Variants in VRK1 observed in about 807,000 individuals in gnomAD.
The protein encoded by VRK1 is serine/threonine-protein kinase VRK1.
VRK1 carries 33 observed loss-of-function variants against 57.1 expected under a neutral mutation model. The ratio of observed to expected loss-of-function variants is 0.58; its 90% CI spans 0.44 to 0.77. VRK1 has a LOEUF of 0.77. Ranked by LOEUF, VRK1 falls within the 30% of genes least tolerant of loss-of-function variation. The pLI, the probability that VRK1 is intolerant of heterozygous loss-of-function variation, is 0.00. For missense variants in VRK1, 413 were observed against 477.3 expected (o/e 0.87, Z 1.25); for synonymous variants, 137 against 147.8 (o/e 0.93, Z 0.53).
intron 5 of VRK1, among the ~76,000 whole-genome samples, chr14:96,849,204 A>G (rs1409604055): frequency 6.6e-6 from 1 of 152,200 alleles, no homozygotes; most frequent in African/African-American, 2.4e-5. Flanking sequence ...AATGGCTTAC[A>G]TGGTGAATTA....
intron 1 of VRK1, among the ~76,000 whole-genome samples, chr14:96,818,401 T>C (rs1888187123): frequency 6.7e-6 from 1 of 149,108 alleles, no homozygotes; most frequent in Non-Finnish European, 1.5e-5. Flanking sequence ...AATTTTTTCT[T>C]TTCTGAAGAT....
chr14:96,849,768 G>T (rs1035539773), intron 5 of VRK1, among the ~76,000 whole-genome samples: 3 of 152,166 alleles, frequency 2.0e-5, no homozygotes, highest in African/African-American at 7.2e-5. Flanking sequence ...GTGGTATGTT[G>T]CTTGAGAATG....
At chr14:96,869,542 G>A (rs906271335) in intron 11 of VRK1, among the ~76,000 whole-genome samples, 3 of 152,150 alleles carry the variant, frequency 2.0e-5, no homozygotes, top group Non-Finnish European at 4.4e-5. Context: ...TGAAAGACAA[G>A]ATGTTAATTA....
chr14:96,814,348 T>C (rs1429293777), intron 1 of VRK1, among the ~76,000 whole-genome samples: 2 of 152,206 alleles, frequency 1.3e-5, no homozygotes, highest in East Asian at 1.9e-4. Flanking sequence ...TCAATTGCAG[T>C]GTTTTAACTT....
intron 10 of VRK1, among the ~76,000 whole-genome samples, chr14:96,859,891 G>T (rs1888316316): frequency 6.6e-6 from 1 of 152,166 alleles, no homozygotes; most frequent in African/African-American, 2.4e-5. Flanking sequence ...TGAAATGATG[G>T]ATATACAAGT....
intron 1 of VRK1, among the ~76,000 whole-genome samples, chr14:96,816,449 C>G (rs1954256074): frequency 6.6e-6 from 1 of 152,162 alleles, no homozygotes; most frequent in Non-Finnish European, 1.5e-5. Context: ...TACTTCCTGA[C>G]AGCATCCAAT....
intron 5 of VRK1, among the ~76,000 whole-genome samples, chr14:96,847,586 G>A (rs1391457081): frequency 6.6e-6 from 1 of 151,638 alleles, no homozygotes; most frequent in African/African-American, 2.4e-5. Context: ...CTGCAGAGCA[G>A]TATCAACTGA....
chr14:96,873,275 C>T (rs77404601), intron 11 of VRK1, among the ~76,000 whole-genome samples: 7,126 of 152,140 alleles, frequency 0.047, 190 homozygotes, highest in Non-Finnish European at 0.062. Flanking sequence ...GGTCTCCAAT[C>T]GGTGTTTAGA....
chr14:96,865,056 T>A (rs1888531970), intron 11 of VRK1, among the ~76,000 whole-genome samples: 1 of 152,206 alleles, frequency 6.6e-6, no homozygotes, highest in Admixed American at 6.5e-5. Flanking sequence ...ATGGTATCTT[T>A]TAATGAATAG....
At chr14:96,838,783 G>T (rs1187420703) in intron 3 of VRK1, among the ~76,000 whole-genome samples, 1 of 152,120 alleles carries the variant, frequency 6.6e-6, no homozygotes, top group Admixed American at 6.6e-5. Context: ...TTACTCTGAA[G>T]GTTTTCATTT....
intron 4 of VRK1, among the ~76,000 whole-genome samples, chr14:96,846,714 GAA>G (rs781778346): frequency 7.7e-5 from 8 of 103,858 alleles, no homozygotes; most frequent in African/African-American, 2.0e-4. Context: ...AAATATTCCA[GAA>G]AAAAAAAAAA....
intron 3 of VRK1, among the ~76,000 whole-genome samples, chr14:96,840,645 C>T (rs186047755): frequency 6.5e-4 from 99 of 152,160 alleles, no homozygotes; most frequent in African/African-American, 2.3e-3. Context: ...AGATGAGTTT[C>T]TTCTTAGGCT....
rs763963940 is a variant in VRK1 at position 96,846,181 on chromosome 14, A to G, written c.286+17A>G. The G allele has an allele frequency of 1.9e-6, 3 of 1,611,398 alleles. No homozygotes were observed. The highest frequency in any genetic ancestry group is 3.3e-5 in the Admixed American group (2 of 59,966). On this transcript the variant is annotated intron_variant, in intron 4 of 12. Transcript: ENST00000216639. Reference sequence around the variant, plus strand: ...CAGAGCAAAGTAAGAAATACAGTACACATACGTTTACACTTTTAAAATGAC... The same window carrying G: ...CAGAGCAAAGTAAGAAATACAGTACGCATACGTTTACACTTTTAAAATGAC...
chr14:96,808,600 A>G (rs1040773822), intron 1 of VRK1, among the ~76,000 whole-genome samples: 3 of 152,048 alleles, frequency 2.0e-5, no homozygotes, highest in Non-Finnish European at 2.9e-5. Context: ...TCTGACTTAC[A>G]TAACTATAGT....
At chr14:96,811,710 C>CTA (rs1230141267) in intron 1 of VRK1, among the ~76,000 whole-genome samples, 2 of 151,850 alleles carry the variant, frequency 1.3e-5, no homozygotes, top group African/African-American at 4.8e-5. Context: ...CCACAGAACG[C>CTA]TATAATCCAG....
chr14:96,856,197 TC>T lies in VRK1; in HGVS notation c.779del (p.Pro260LeufsTer6). 1 of 1,613,778 alleles carries T rather than the reference TC, an allele frequency of 6.2e-7. No homozygotes were observed. Among genetic ancestry groups the T allele is most frequent in the Non-Finnish European group, 8.5e-7 (1 of 1,179,790 alleles). ...TGATCCAATGGCTTACTGGCCATCT[TC>T]CTTGGGAGGATAATTTGAAAGATCC... Reference protein sequence around the residue: ...CMIQWLTGHLPWEDNLKDPKY... With the variant: ...CMIQWLTGHLXWEDNLKDPKY... On this transcript the variant is annotated frameshift_variant, in exon 9 of 13. Transcript: ENST00000216639. LOFTEE classifies it high-confidence loss of function.
chr14:96,852,797 A>G, intron 5 of VRK1, 34 bp from the exon 6 acceptor site: 5 of 1,572,610 alleles, frequency 3.2e-6, no homozygotes, highest in Non-Finnish European at 4.4e-6. Flanking sequence ...CTTGCATTGT[A>G]TTTTGTTCAT....
At chr14:96,827,766 A>T (rs894569970) in intron 1 of VRK1, among the ~76,000 whole-genome samples, 1 of 151,864 alleles carries the variant, frequency 6.6e-6, no homozygotes, top group Admixed American at 6.6e-5. Context: ...GTTTTAATTG[A>T]TTGTTTGTTT....
At chr14:96,828,011 T>A (rs1464384282) in intron 1 of VRK1, among the ~76,000 whole-genome samples, 2 of 152,232 alleles carry the variant, frequency 1.3e-5, no homozygotes, top group African/African-American at 4.8e-5. Context: ...CAAAGTGATA[T>A]CTGCTGTTTG....
Sources: gnomAD v4.1 joint callset for allele counts (sites outside exome capture counted in the v4.1 genomes callset) on GRCh38, gnomAD v4.1.1 for gene constraint, MANE v1.5 for transcripts, NCBI Gene and HGNC (gene_info 2026-07-23, HGNC 2026-07-21) for gene names.